The following TEX15 variants were observed in gnomAD, a reference collection of about 807,000 sequenced individuals.
The protein encoded by TEX15 is testis expressed 15, meiosis and synapsis associated.
In TEX15, 171 loss-of-function variants were observed where a neutral mutation model predicts 237.3. The ratio of observed to expected loss-of-function variants is 0.72; its 90% confidence interval spans 0.64 to 0.82. The LOEUF is 0.82. TEX15 is among the 40% of genes least tolerant of loss of function. The pLI is 0.00. For synonymous variants in TEX15, 1,338 were observed against 1,269.8 expected (o/e 1.05, Z -1.14); for missense variants, 3,750 against 3,646.5 (o/e 1.03, Z -0.73).
chr8:30,867,503 C>T lies in TEX15; in HGVS notation c.303-1G>A, dbSNP rs1375518989. On this transcript the variant is annotated splice_acceptor_variant, in intron 4 of 10. Transcript: ENST00000643185. LOFTEE classifies it high-confidence loss of function. ...TCTTCCACTTTCACGCATCTCTGAC[C>T]TAAAGTAAAACAAACAATGTATACA... The T allele has an allele frequency of 2.6e-6, 4 of 1,521,964 alleles. No individual in the cohort carries two copies. The Admixed American group carries it at 5.9e-5, about 22-fold the overall frequency. 94.3% of individuals were successfully genotyped at this position (1,521,964 alleles called of 1,614,324 possible).
At chr8:30,902,365 C>T (rs187644565) in intron 1 of TEX15, among the ~76,000 whole-genome samples, 159 of 150,662 alleles carry the variant, frequency 1.1e-3, no homozygotes, top group African/African-American at 3.5e-3. Flanking sequence ...TAAATGAAAA[C>T]GTGATTTTGC....
At chr8:30,911,517 A>G (rs901516529) in intron 1 of TEX15, among the ~76,000 whole-genome samples, 1 of 152,242 alleles carries the variant, frequency 6.6e-6, no homozygotes, top group African/African-American at 2.4e-5. Flanking sequence ...AAATTCAAAA[A>G]TAAAAAAAGC....
At chr8:30,860,704 C>T (rs1051719381) in intron 5 of TEX15, among the ~76,000 whole-genome samples, 4 of 151,622 alleles carry the variant, frequency 2.6e-5, no homozygotes, top group African/African-American at 9.7e-5. Context: ...GCTGGGATTA[C>T]ATGCCCAGCT....
chr8:30,836,131 G>C (rs2551743), intron 10 of TEX15, among the ~76,000 whole-genome samples: 97,017 of 148,122 alleles, frequency 0.65, 36,284 homozygotes, highest in East Asian at 0.9. Flanking sequence ...ATGTAGGTAA[G>C]TTTACATGAT....
intron 3 of TEX15, among the ~76,000 whole-genome samples, chr8:30,883,362 G>C (rs537299226): frequency 6.9e-6 from 1 of 145,276 alleles, no homozygotes; most frequent in South Asian, 2.1e-4. Context: ...TTCCTTCTCA[G>C]TATTTTCTTT....
intron 1 of TEX15, among the ~76,000 whole-genome samples, chr8:30,910,643 G>A (rs1408346258): frequency 2.8e-5 from 4 of 143,560 alleles, no homozygotes; most frequent in Non-Finnish European, 4.5e-5. Context: ...TGGTAGAGAC[G>A]GGGACTATGT....
Position 30,844,758 on chromosome 8 carries a change from T to G in TEX15, c.5409A>C (p.Lys1803Asn). 1 of 1,613,352 alleles carries G rather than the reference T, an allele frequency of 6.2e-7. No homozygotes were observed. The highest frequency in any genetic ancestry group is 8.5e-7 in the Non-Finnish European group (1 of 1,179,552). The change falls in exon 8 of 11, where the codon AAA (lysine) becomes AAC (asparagine). Residue 1803 changes from lysine (K) to asparagine (N), a missense_variant. Physicochemically the swap from Lys to Asn is moderately conservative, Grantham distance 94 (BLOSUM62 0). Transcript: ENST00000643185. ...ATTCCACTATATTTTCCCCATAACTTTTATCTTCTTCAGTTCCTGATGCTA... is the reference window on the plus strand; with the variant it reads ...ATTCCACTATATTTTCCCCATAACTGTTATCTTCTTCAGTTCCTGATGCTA... ...LDVASGTEEDKSYGENIVELS... is the reference protein window; with the variant it reads ...LDVASGTEEDNSYGENIVELS...
chr8:30,871,688 A>G (rs143767053), intron 4 of TEX15, among the ~76,000 whole-genome samples: 2 of 152,220 alleles, frequency 1.3e-5, no homozygotes, highest in African/African-American at 2.4e-5. Flanking sequence ...TATACTTTCA[A>G]AAACGCTCAT....
Position 30,889,396 on chromosome 8 carries a change from G to A in TEX15, c.-9-2085C>T, listed in dbSNP as rs538595988. On this transcript the variant is annotated intron_variant, in intron 2 of 10. Transcript: ENST00000643185. ...GAACCCGGGAGGTGGAGGTTGCAGC[G>A]AGCAGAGATCGCACCATTGCACTCC... 2.3e-3 allele frequency among the ~76,000 whole-genome samples: 348 copies of A among 152,234 alleles called. 1 individual carries two copies. Among genetic ancestry groups the A allele is most frequent in the Non-Finnish European group, 3.6e-3 (246 of 68,010 alleles).
chr8:30,866,657 A>G (rs1808173897), intron 5 of TEX15, among the ~76,000 whole-genome samples: 1 of 152,042 alleles, frequency 6.6e-6, no homozygotes, highest in Non-Finnish European at 1.5e-5. Context: ...TGATACTTTC[A>G]TAATACACTA....
Position 30,836,931 on chromosome 8 carries a change from G to C in TEX15, c.9353C>G (p.Ser3118Cys). ...CCGAAAATTAGAAGCAGGTATTTGA[G>C]ATTGAAAATACCCATTCACTGGCAC... Reference protein sequence around the residue: ...GFVPVNGYFQSQIPASNFRQP... With the variant: ...GFVPVNGYFQCQIPASNFRQP... The change falls in exon 10 of 11, where the codon TCT becomes TGT. Residue 3118 changes from serine to cysteine, a missense_variant. Coordinates refer to ENST00000643185, the MANE Select transcript of TEX15 (RefSeq NM_001350162.2). The C allele has an allele frequency of 6.2e-7, 1 of 1,614,196 alleles. No homozygotes were observed. Among genetic ancestry groups the C allele is most frequent in the Non-Finnish European group, 8.5e-7 (1 of 1,180,036 alleles).
At chr8:30,877,288 T>G (rs756409842) in intron 3 of TEX15, among the ~76,000 whole-genome samples, 13 of 152,230 alleles carry the variant, frequency 8.5e-5, no homozygotes, top group Non-Finnish European at 1.6e-4. Flanking sequence ...CACTGCTGAC[T>G]GTTGATTGTG....
intron 3 of TEX15, among the ~76,000 whole-genome samples, chr8:30,876,344 T>C (rs1808400040): frequency 6.6e-6 from 1 of 152,194 alleles, no homozygotes; most frequent in Non-Finnish European, 1.5e-5. Context: ...TTTTGAAATG[T>C]TTGAGTCAAA....
At position 30,848,970 on chromosome 8, in the gene TEX15, A is replaced by T. The variant is rs62000457; in HGVS notation, c.1197T>A (p.Asn399Lys). ...TTAAAATATTTTTAAGACTTGTCCA[A>T]TTTAACAAAAGGTCACCATTAACAC... is the stretch of plus-strand genomic sequence containing the variant. ...KDSVNGDLLL[N>K]WTSLKNILSG... Residue 399 changes from asparagine to lysine, a missense_variant, in exon 8 of 11, where the codon AAT becomes AAA. Physicochemically the swap from Asn to Lys is moderately conservative, Grantham distance 94. Transcript: ENST00000643185. The T allele has an allele frequency of 6.2e-7, 1 of 1,614,152 alleles. No individual in the cohort carries two copies. The highest frequency in any genetic ancestry group is 8.5e-7 in the Non-Finnish European group (1 of 1,180,022).
At chr8:30,883,355 C>T (rs1260493646) in intron 3 of TEX15, among the ~76,000 whole-genome samples, 1 of 150,620 alleles carries the variant, frequency 6.6e-6, no homozygotes, top group Non-Finnish European at 1.5e-5. Context: ...CTGGCTATTC[C>T]TTCTCAGTAT....
Position 30,867,465 on chromosome 8 carries a change from G to C in TEX15, c.340C>G (p.Leu114Val), listed in dbSNP as rs1320798865. Residue 114 changes from leucine (L) to valine (V), a missense_variant, in exon 5 of 11, where the codon CTT (leucine) becomes GTT (valine). Physicochemically the swap from Leu to Val is conservative, Grantham distance 32. Coordinates refer to ENST00000643185, the MANE Select transcript of TEX15 (RefSeq NM_001350162.2). ...MRESGRHCRE[L>V]EEQFCFLALP... ...GCTAAAAAGCAGAACTGTTCTTCAAGTTCCCTGCAATGTCTTCCACTTTCA... is the reference window on the plus strand; with the variant it reads ...GCTAAAAAGCAGAACTGTTCTTCAACTTCCCTGCAATGTCTTCCACTTTCA... 7 of 1,534,166 alleles carry C rather than the reference G, an allele frequency of 4.6e-6. No homozygotes were observed. In the African/African-American group the frequency reaches 8.2e-5, roughly 18 times the overall value.
At chr8:30,864,123 A>C (rs994041350) in intron 5 of TEX15, among the ~76,000 whole-genome samples, 1 of 152,076 alleles carries the variant, frequency 6.6e-6, no homozygotes, top group African/African-American at 2.4e-5. Context: ...AGAAAACTTA[A>C]AAACCAAAAA....
Position 30,837,443 on chromosome 8 carries a change from A to G in TEX15, c.8841T>C (p.Pro2947=). 6.2e-7 allele frequency: 1 copy of G among 1,614,188 alleles called. No homozygotes were observed. Among genetic ancestry groups the G allele is most frequent in the South Asian group, 1.1e-5 (1 of 91,086 alleles). Residue 2947 remains proline (P), a synonymous_variant, in exon 10 of 11, where the codon CCT becomes CCC. Coordinates refer to ENST00000643185, the MANE Select transcript of TEX15 (RefSeq NM_001350162.2). Reference sequence around the variant, plus strand: ...GCTGTAGTTTGTTTATCTGCAGAGTAGGAATTTTGTTCTGGATACAGATGG... The same window carrying G: ...GCTGTAGTTTGTTTATCTGCAGAGTGGGAATTTTGTTCTGGATACAGATGG... ...PEPICIQNKI[P]TLQINKLQPT...
In TEX15 at chr8:30,846,738, A is replaced by C. The variant is rs757977058; in HGVS notation, c.3429T>G (p.Asn1143Lys). ...AAATTGGGCTGGTAAGTTCTGTTTC[A>C]TTGTTTTGTGTAGAGGAATAAAAAT... ...SNYFYSSTQN[N>K]ETELTSPILL... Residue 1143 changes from asparagine (N) to lysine (K), a missense_variant, in exon 8 of 11, where the codon AAT (asparagine) becomes AAG (lysine). Physicochemically the swap from Asn to Lys is moderately conservative, Grantham distance 94. Transcript: ENST00000643185. 4.3e-6 allele frequency: 7 copies of C among 1,613,704 alleles called. No homozygotes were observed. The African/African-American group carries it at 9.3e-5, about 22-fold the overall frequency.
Sources: allele counts gnomAD v4.1 joint callset (sites outside exome capture counted in the v4.1 genomes callset), GRCh38; gene constraint gnomAD v4.1.1; transcripts MANE v1.5; gene names NCBI Gene and HGNC (gene_info 2026-07-23, HGNC 2026-07-21).